The following EPB41L4A variants were observed in gnomAD, a reference collection of about 807,000 sequenced individuals.
EPB41L4A encodes the protein erythrocyte membrane protein band 4.1 like 4A.
Under a neutral mutation model 108.6 loss-of-function variants are expected in EPB41L4A, and 100 were observed. That is an observed-to-expected ratio of 0.92 (90% CI 0.78 to 1.09). EPB41L4A has a LOEUF of 1.09. Among genes scored for constraint, EPB41L4A ranks in the 50% least tolerant of loss-of-function variants. EPB41L4A has a pLI of 0.00. For missense variants in EPB41L4A, 1,030 were observed against 842.7 expected (o/e 1.22, Z -2.75); for synonymous variants, 319 against 289.0 (o/e 1.10, Z -1.05).
At chr5:112,229,482 T>C (rs893593296) in intron 12 of EPB41L4A, among the ~76,000 whole-genome samples, 26 of 152,252 alleles carry the variant, frequency 1.7e-4, no homozygotes, top group Admixed American at 6.5e-4. Flanking sequence ...TCTTTAGTGG[T>C]GACTTCTGAG....
intron 1 of EPB41L4A, among the ~76,000 whole-genome samples, chr5:112,328,284 T>C (rs1027669800): frequency 3.3e-5 from 5 of 151,918 alleles, no homozygotes; most frequent in African/African-American, 1.2e-4. Context: ...ACTCCAGCCT[T>C]GGTGACACGG....
intron 2 of EPB41L4A, among the ~76,000 whole-genome samples, chr5:112,284,283 G>C (rs1488156646): frequency 6.6e-6 from 1 of 152,154 alleles, no homozygotes; most frequent in African/African-American, 2.4e-5. Flanking sequence ...GTCTCCTAGA[G>C]TTCTAATAGA....
At chr5:112,417,156 C>T (rs1161978478) in intron 1 of EPB41L4A, among the ~76,000 whole-genome samples, 1 of 152,180 alleles carries the variant, frequency 6.6e-6, no homozygotes, top group Non-Finnish European at 1.5e-5. Flanking sequence ...CAATTTTCAG[C>T]CCATTTGTAA....
chr5:112,366,523 A>G (rs1013812006), intron 1 of EPB41L4A, among the ~76,000 whole-genome samples: 2 of 152,104 alleles, frequency 1.3e-5, no homozygotes, highest in Admixed American at 1.3e-4. Context: ...ATCAGAATCC[A>G]GGGAGACCAG....
chr5:112,202,813 T>C (rs1004852754), intron 15 of EPB41L4A, among the ~76,000 whole-genome samples: 7 of 152,098 alleles, frequency 4.6e-5, no homozygotes, highest in East Asian at 1.9e-4. Context: ...AACTAGGGCA[T>C]AGGTGAAAGA....
At chr5:112,253,467 G>A (rs1750839777) in intron 9 of EPB41L4A, among the ~76,000 whole-genome samples, 1 of 152,162 alleles carries the variant, frequency 6.6e-6, no homozygotes, top group Admixed American at 6.5e-5. Context: ...GAGGTTATCT[G>A]AATTCTATAC....
At chr5:112,238,311 C>T (rs1749507101) in intron 11 of EPB41L4A, among the ~76,000 whole-genome samples, 1 of 151,912 alleles carries the variant, frequency 6.6e-6, no homozygotes, top group Admixed American at 6.6e-5. Flanking sequence ...TACAGAAGAA[C>T]AGTGAAAACC....
intron 20 of EPB41L4A, 141 bp downstream of exon 20, chr5:112,170,160 C>T (rs761896525): frequency 1.7e-5 from 13 of 752,844 alleles, no homozygotes; most frequent in Non-Finnish European, 2.6e-5. Context: ...CACTTTTCTT[C>T]CTCTTTCGCT....
intron 1 of EPB41L4A, among the ~76,000 whole-genome samples, chr5:112,349,009 C>T (rs1258180779): frequency 6.6e-6 from 1 of 152,118 alleles, no homozygotes; most frequent in Non-Finnish European, 1.5e-5. Flanking sequence ...GAATGCAGAG[C>T]ACAGACTGTC....
chr5:112,314,519 AAAAAAAAAAAAAAAAAAAAG>A (rs1227613791), intron 1 of EPB41L4A, among the ~76,000 whole-genome samples: 7 of 124,524 alleles, frequency 5.6e-5, no homozygotes, highest in African/African-American at 1.7e-4. Flanking sequence ...AAAAAAAAAA[AAAAAAAAAAAAAAAAAAAAG>A]AAAAGAAATT....
rs114553741 is a variant in EPB41L4A, at chr5:112,409,452, T to C, written c.99+9489A>G. Among the ~76,000 whole-genome samples, 360 of 152,254 alleles carry C rather than the reference T, an allele frequency of 2.4e-3. 1 individual carries two copies. The highest frequency in any genetic ancestry group is 7.8e-3 in the African/African-American group (322 of 41,534). On this transcript the variant is annotated intron_variant, in intron 1 of 22. Coordinates refer to ENST00000261486, the MANE Select transcript of EPB41L4A (RefSeq NM_022140.5). ...CGTAAATATATGAACAACCACTGAA[T>C]TGGACAATTTAAATGGGTAAGTTGT...
At chr5:112,251,541 C>G (rs1750669644) in intron 9 of EPB41L4A, among the ~76,000 whole-genome samples, 1 of 151,968 alleles carries the variant, frequency 6.6e-6, no homozygotes, top group Non-Finnish European at 1.5e-5. Context: ...AAAACCCATA[C>G]AGTATGCTAC....
At chr5:112,239,951 G>A (rs1749655284) in intron 10 of EPB41L4A, among the ~76,000 whole-genome samples, 1 of 152,136 alleles carries the variant, frequency 6.6e-6, no homozygotes, top group Admixed American at 6.5e-5. Context: ...AAAGCTTAAT[G>A]TATCACCAGC....
chr5:112,201,045 C>G (rs1762195219), intron 15 of EPB41L4A, among the ~76,000 whole-genome samples: 1 of 152,084 alleles, frequency 6.6e-6, no homozygotes. Context: ...GTTAATCCAG[C>G]AATGTAGAGG....
At chr5:112,215,366 T>C (rs752662567) in intron 12 of EPB41L4A, among the ~76,000 whole-genome samples, 16 of 152,204 alleles carry the variant, frequency 1.1e-4, no homozygotes, top group Non-Finnish European at 2.4e-4. Context: ...GGCTTTGAAG[T>C]AAATCTGTAT....
At chr5:112,193,397 G>A (rs951247547) in intron 17 of EPB41L4A, among the ~76,000 whole-genome samples, 5 of 152,128 alleles carry the variant, frequency 3.3e-5, no homozygotes, top group African/African-American at 1.2e-4. Context: ...CACCTCCCGG[G>A]TTCAAGCGAT....
intron 13 of EPB41L4A, chr5:112,143,948 ATAATAAAT>A (rs1223123518): frequency 3.0e-5 from 13 of 437,754 alleles, no homozygotes; most frequent in Non-Finnish European, 4.2e-5. Flanking sequence ...GAAGCCTGGA[ATAATAAAT>A]TATGCTATGG....
At chr5:112,405,934 G>C (rs1203279896) in intron 1 of EPB41L4A, among the ~76,000 whole-genome samples, 1 of 152,050 alleles carries the variant, frequency 6.6e-6, no homozygotes, top group African/African-American at 2.4e-5. Context: ...ATGCTACTAG[G>C]TACACAATAA....
intron 1 of EPB41L4A, among the ~76,000 whole-genome samples, chr5:112,397,542 T>C (rs1450084710): frequency 1.3e-5 from 2 of 152,032 alleles, no homozygotes; most frequent in Admixed American, 6.6e-5. Flanking sequence ...TATAATAAAG[T>C]AGTAATTCTG....
Sources: allele counts gnomAD v4.1 joint callset (sites outside exome capture counted in the v4.1 genomes callset), GRCh38; gene constraint gnomAD v4.1.1; transcripts MANE v1.5; gene names NCBI Gene and HGNC (gene_info 2026-07-23, HGNC 2026-07-21).